SPTBN1: variants seen among roughly 807,000 people sequenced by gnomAD.
The protein encoded by SPTBN1 is spectrin beta, non-erythrocytic 1.
In SPTBN1, 32 loss-of-function variants were observed where a neutral mutation model predicts 266.4. The ratio of observed to expected loss-of-function variants is 0.12; its 90% CI spans 0.09 to 0.16. SPTBN1 has a LOEUF of 0.16. Among genes scored for constraint, SPTBN1 ranks in the 10% least tolerant of loss-of-function variants. SPTBN1 has a pLI of 1.00. For missense variants in SPTBN1, 2,296 were observed against 3,067.1 expected (o/e 0.75, Z 5.94); for synonymous variants, 1,336 against 1,162.2 (o/e 1.15, Z -3.04).
intron 1 of SPTBN1, among the ~76,000 whole-genome samples, chr2:54,510,309 C>G (rs757330668): frequency 6.6e-6 from 1 of 152,078 alleles, no homozygotes; most frequent in Non-Finnish European, 1.5e-5. Context: ...CCATTATGAC[C>G]GCACTTAACC....
chr2:54,577,363 A>G (rs1674562791), intron 2 of SPTBN1, among the ~76,000 whole-genome samples: 1 of 152,212 alleles, frequency 6.6e-6, no homozygotes, highest in Admixed American at 6.5e-5. Context: ...GCCCACTGCC[A>G]AAACATTAAG....
chr2:54,468,261 C>G lies in SPTBN1; in HGVS notation c.-48+11743C>G, dbSNP rs569099191. On this transcript the variant is annotated intron_variant, in intron 1 of 35. Coordinates refer to ENST00000356805, the MANE Select transcript of SPTBN1 (RefSeq NM_003128.3). ...GGTGGAGGTTGCAGTGAGCTGAGAC[C>G]GCACCATTGCGCTCCAGCCTGGGTG... is the stretch of plus-strand genomic sequence containing the variant. Among the ~76,000 whole-genome samples, 6 of 151,246 alleles carry G rather than the reference C, an allele frequency of 4.0e-5. No individual in the cohort carries two copies. The South Asian group carries it at 1.3e-3, about 32-fold the overall frequency.
intron 2 of SPTBN1, among the ~76,000 whole-genome samples, chr2:54,552,432 A>G (rs1302589085): frequency 2.0e-5 from 3 of 151,084 alleles, no homozygotes; most frequent in Non-Finnish European, 4.4e-5. Flanking sequence ...AAATTGGCAG[A>G]GCCAGCTTCT....
chr2:54,558,551 G>A lies in SPTBN1; in HGVS notation c.148+31985G>A, dbSNP rs1285733772. 6 of 1,310,800 alleles carry A rather than the reference G, an allele frequency of 4.6e-6. No homozygotes were observed. Among genetic ancestry groups the A allele is most frequent in the Non-Finnish European group, 5.8e-6 (6 of 1,027,790 alleles). The allele number at this position is 1,310,800 out of a possible 1,614,324, so 81.2% of individuals were successfully genotyped here. Reference sequence around the variant, plus strand: ...GAGCTTCCAGGCAAGGGCCACGGAAGAAGGGAAAGCAAGAAATTAGATGCC... The same window carrying A: ...GAGCTTCCAGGCAAGGGCCACGGAAAAAGGGAAAGCAAGAAATTAGATGCC... On this transcript the variant is annotated intron_variant, in intron 2 of 35. Coordinates refer to ENST00000356805, the MANE Select transcript of SPTBN1 (RefSeq NM_003128.3). This position sits in a 1 kb window ranked among gnomAD's most constrained non-coding sequence, Gnocchi z 4.6.
chr2:54,610,328 A>G (rs1677131473), intron 3 of SPTBN1, among the ~76,000 whole-genome samples: 2 of 152,248 alleles, frequency 1.3e-5, no homozygotes, highest in African/African-American at 4.8e-5. Context: ...AAATTGTCAT[A>G]TGATGACTTC....
chr2:54,494,797 G>A (rs562227739), intron 1 of SPTBN1, among the ~76,000 whole-genome samples: 3 of 152,202 alleles, frequency 2.0e-5, no homozygotes, highest in Non-Finnish European at 2.9e-5. Flanking sequence ...GGAGTGATGG[G>A]TATGCTCATT....
intron 18 of SPTBN1, 49 bp downstream of exon 18, chr2:54,637,852 T>A: frequency 6.9e-7 from 1 of 1,454,842 alleles, no homozygotes. Context: ...TAATAGCAAT[T>A]GCCAGCCAGC....
rs1466534951 is a variant in SPTBN1 at position 54,502,697 on chromosome 2, T to G, written c.-47-23675T>G. On this transcript the variant is annotated intron_variant, in intron 1 of 35. Coordinates refer to ENST00000356805, the MANE Select transcript of SPTBN1 (RefSeq NM_003128.3). ...AAACTCTGGCTTTCCTGGGGGTTTT[T>G]TTGTTGTTGTTTCTCCTTTTAGAAT... Among the ~76,000 whole-genome samples, 10 of 152,260 alleles carry G rather than the reference T, an allele frequency of 6.6e-5. No individual in the cohort carries two copies. The East Asian group carries it at 1.9e-3, about 29-fold the overall frequency.
chr2:54,513,056 G>T (rs1228122745), intron 1 of SPTBN1, among the ~76,000 whole-genome samples: 1 of 152,192 alleles, frequency 6.6e-6, no homozygotes, highest in Non-Finnish European at 1.5e-5. Context: ...GCCAGGCATG[G>T]TGGTGTGTGC....
intron 1 of SPTBN1, among the ~76,000 whole-genome samples, chr2:54,494,448 T>G (rs1668859413): frequency 6.6e-6 from 1 of 152,232 alleles, no homozygotes; most frequent in East Asian, 1.9e-4. Flanking sequence ...CACAAATGTT[T>G]ATAGCAGCTT....
At chr2:54,545,170 G>C (rs1319673066) in intron 2 of SPTBN1, among the ~76,000 whole-genome samples, 16 of 152,120 alleles carry the variant, frequency 1.1e-4, no homozygotes, top group Non-Finnish European at 1.9e-4. Context: ...TTTATCCAAT[G>C]TATCATTAAT....
At chr2:54,597,126 G>A (rs1428185637) in intron 2 of SPTBN1, among the ~76,000 whole-genome samples, 1 of 152,088 alleles carries the variant, frequency 6.6e-6, no homozygotes, top group African/African-American at 2.4e-5. Context: ...CCAGTATAAC[G>A]CATAAAGGAT....
chr2:54,460,541 A>G (rs1693309592), intron 1 of SPTBN1, among the ~76,000 whole-genome samples: 1 of 152,170 alleles, frequency 6.6e-6, no homozygotes, highest in African/African-American at 2.4e-5. Context: ...CTCGGAAGCT[A>G]ACCCCTGAGC....
intron 1 of SPTBN1, among the ~76,000 whole-genome samples, chr2:54,488,836 C>T (rs926083329): frequency 2.0e-5 from 3 of 151,954 alleles, no homozygotes; most frequent in African/African-American, 4.8e-5. Context: ...TACAAAGGCT[C>T]GCTTTGTAAA....
chr2:54,588,627 G>C (rs1437163236), intron 2 of SPTBN1, among the ~76,000 whole-genome samples: 2 of 152,184 alleles, frequency 1.3e-5, no homozygotes, highest in African/African-American at 4.8e-5. Context: ...GAAAGTGAGT[G>C]AAGATCCTAA....
intron 2 of SPTBN1, among the ~76,000 whole-genome samples, chr2:54,566,190 T>C (rs998318110): frequency 2.1e-5 from 3 of 143,600 alleles, no homozygotes; most frequent in East Asian, 3.9e-4. Context: ...TTTTTCTTTT[T>C]TTTTTTTTTT....
chr2:54,618,762 T>C (rs758778571), intron 7 of SPTBN1, among the ~76,000 whole-genome samples: 1 of 151,756 alleles, frequency 6.6e-6, no homozygotes, highest in Non-Finnish European at 1.5e-5. Flanking sequence ...CAAGTAAGAG[T>C]TTAAATGAGG....
rs1231253238 is a variant in SPTBN1 at position 54,668,441 on chromosome 2, T to G, written c.6967T>G (p.Ser2323Ala). The G allele has an allele frequency of 6.2e-7, 1 of 1,614,102 alleles. No individual in the cohort carries two copies. The change falls in exon 36 of 36, where the codon TCC (serine) becomes GCC (alanine). Residue 2323 changes from serine to alanine, a missense_variant. By Grantham distance (99) the Ser-to-Ala change is moderately conservative. Around this residue, in one of 12 missense-constraint regions of SPTBN1, gnomAD observed 347 missense variants for 368.5 expected, o/e 0.94. Transcript: ENST00000356805. ...VSASTQSTPA[S>A]SRAQTLPTSV... is the part of the protein sequence containing the mutation. ...TGCCAGCACCCAGAGCACGCCAGCA[T>G]CCAGCCGCGCGCAGACCCTCCCCAC...
chr2:54,493,672 G>C (rs1668811950), intron 1 of SPTBN1, among the ~76,000 whole-genome samples: 1 of 152,192 alleles, frequency 6.6e-6, no homozygotes, highest in African/African-American at 2.4e-5. Flanking sequence ...AAAGTGTTGG[G>C]ATTACAGGCA....
Sources: gnomAD v4.1 joint callset for allele counts (sites outside exome capture counted in the v4.1 genomes callset) on GRCh38, gnomAD v4.1.1 for gene constraint, gnomAD v4.1.1 regional missense constraint, Gnocchi (gnomAD v3.1) non-coding constraint, MANE v1.5 for transcripts, NCBI Gene and HGNC (gene_info 2026-07-23, HGNC 2026-07-21) for gene names.